The following BNC2 variants were observed in gnomAD, a reference collection of about 807,000 sequenced individuals.
The protein encoded by BNC2 is zinc finger protein basonuclin-2.
A neutral mutation model predicts 76.3 loss-of-function variants in BNC2; 20 were observed. That is an observed-to-expected ratio of 0.26 (90% confidence interval 0.18 to 0.38). The LOEUF is 0.38. Among genes scored for constraint, BNC2 ranks in the 10% least tolerant of loss-of-function variants. The pLI, the probability that BNC2 is intolerant of heterozygous loss-of-function variation, is 1.00. For synonymous variants in BNC2, 582 were observed against 514.8 expected, an observed-to-expected ratio of 1.13 and a Z score of -1.77; for missense variants, 1,382 against 1,399.8, an observed-to-expected ratio of 0.99 and a Z score of 0.20.
Position 16,437,465 on chromosome 9 carries a change from G to A in BNC2, c.729C>T (p.Ile243=), listed in dbSNP as rs1448823508. The change falls in exon 6 of 7, where the codon ATC becomes ATT. Residue 243 remains isoleucine (I), a synonymous_variant. Transcript: ENST00000380672. ...CAAACCGCAGAAACTGCTGAAGGGTGATGATTTCCTCTTCTCGAGACATGA... is the reference window on the plus strand; with the variant it reads ...CAAACCGCAGAAACTGCTGAAGGGTAATGATTTCCTCTTCTCGAGACATGA... The part of the protein sequence containing the change: ...WAIMSREEEI[I]TLQQFLRFGE... 1.2e-6 allele frequency: 2 copies of A among 1,613,740 alleles called. No individual in the cohort carries two copies. The highest frequency in any genetic ancestry group is 1.7e-6 in the Non-Finnish European group (2 of 1,179,942).
At chr9:16,853,192 C>G (rs1256637656) in intron 1 of BNC2, among the ~76,000 whole-genome samples, 1 of 151,842 alleles carries the variant, frequency 6.6e-6, no homozygotes, top group African/African-American at 2.4e-5. Context: ...CCCAGGCAGG[C>G]GGATCACTTA....
At chr9:16,541,728 A>G (rs1163502999) in intron 5 of BNC2, among the ~76,000 whole-genome samples, 3 of 152,218 alleles carry the variant, frequency 2.0e-5, no homozygotes, top group Non-Finnish European at 2.9e-5. Flanking sequence ...CATAAAATAA[A>G]CAGACTTCAT....
intron 5 of BNC2, among the ~76,000 whole-genome samples, chr9:16,534,819 G>GA (rs1309460879): frequency 2.6e-5 from 4 of 152,050 alleles, no homozygotes; most frequent in Admixed American, 6.5e-5. Flanking sequence ...GTAAATGGCA[G>GA]AAAAAATCAA....
chr9:16,775,397 T>TAAA lies in BNC2; in HGVS notation c.4-36915_4-36913dup, dbSNP rs34632311. 4.8e-3 allele frequency among the ~76,000 whole-genome samples: 717 copies of TAAA among 148,222 alleles called. 4 individuals are homozygous for TAAA. The highest frequency in any genetic ancestry group is 7.2e-3 in the Non-Finnish European group (480 of 67,064). Reference sequence around the variant, plus strand: ...TTTCCTTAAACACTGATTTCGTTATTAAAAAAAAAAAAACTCCCATGATTT... The same window carrying TAAA: ...TTTCCTTAAACACTGATTTCGTTATTAAAAAAAAAAAAAAAACTCCCATGATTT... On this transcript the variant is annotated intron_variant, in intron 1 of 6. Transcript: ENST00000380672.
At chr9:16,515,535 G>C (rs1251129148) in intron 5 of BNC2, among the ~76,000 whole-genome samples, 3 of 151,884 alleles carry the variant, frequency 2.0e-5, no homozygotes, top group Non-Finnish European at 4.4e-5. Context: ...CACTCAGTTG[G>C]GATGGATCCC....
intron 1 of BNC2, among the ~76,000 whole-genome samples, chr9:16,780,590 T>G (rs1423242070): frequency 6.6e-6 from 1 of 151,780 alleles, no homozygotes. Context: ...AAATCTTAAG[T>G]AGGTGAATTG....
chr9:16,708,884 C>T (rs1823755615), intron 3 of BNC2, among the ~76,000 whole-genome samples: 2 of 152,132 alleles, frequency 1.3e-5, no homozygotes, highest in Non-Finnish European at 2.9e-5. Flanking sequence ...AATGTGAGCC[C>T]TCACTGGGTA....
intron 5 of BNC2, among the ~76,000 whole-genome samples, chr9:16,525,995 T>C: frequency 6.6e-6 from 1 of 152,158 alleles, no homozygotes; most frequent in East Asian, 1.9e-4. Context: ...TAAATACTTT[T>C]TGTTTCTTAT....
intron 5 of BNC2, among the ~76,000 whole-genome samples, chr9:16,476,586 C>G (rs1224089521): frequency 6.6e-6 from 1 of 151,094 alleles, no homozygotes; most frequent in East Asian, 1.9e-4. Context: ...AAAAAAAACT[C>G]TGGCAGTTTG....
rs753638829 is a variant in BNC2, at chr9:16,436,226, TTCA to T, written c.1965_1967del (p.Asp655del). On this transcript the variant is annotated inframe_deletion, in exon 6 of 7. Coordinates refer to ENST00000380672, the MANE Select transcript of BNC2 (RefSeq NM_017637.6). ...CTCCACCATCATTGGGGTCATCATC[TTCA>T]TCATCAAACTCATCGGCGGTATCAA... is the stretch of plus-strand genomic sequence containing the variant. 1.1e-5 allele frequency: 17 copies of T among 1,614,164 alleles called. No individual in the cohort carries two copies. The highest frequency in any genetic ancestry group is 1.4e-5 in the Non-Finnish European group (16 of 1,180,036).
intron 3 of BNC2, among the ~76,000 whole-genome samples, chr9:16,665,386 A>AAGAGAGAG (rs55852227): frequency 0.016 from 1,363 of 84,102 alleles, 179 homozygotes; most frequent in African/African-American, 0.062. Flanking sequence ...AAAAAAAAAA[A>AAGAGAGAG]AGAGAGAGAG....
At chr9:16,665,413 AAGAAAG>A (rs1822248152) in intron 3 of BNC2, among the ~76,000 whole-genome samples, 8 of 144,038 alleles carry the variant, frequency 5.6e-5, no homozygotes, top group Admixed American at 1.4e-4. Flanking sequence ...AAAGAGAGAA[AAGAAAG>A]GAAAGAAAGG....
intron 5 of BNC2, among the ~76,000 whole-genome samples, chr9:16,517,313 A>T (rs1033719279): frequency 3.9e-5 from 6 of 152,182 alleles, no homozygotes; most frequent in Non-Finnish European, 5.9e-5. Context: ...AAGGTAATTA[A>T]ATGTTAGTCA....
At chr9:16,828,693 T>A (rs896839198) in intron 1 of BNC2, among the ~76,000 whole-genome samples, 2 of 152,176 alleles carry the variant, frequency 1.3e-5, no homozygotes, top group African/African-American at 4.8e-5. Context: ...GGTCACTAAT[T>A]AGTTCATTCT....
In BNC2 at chr9:16,798,980, G is replaced by A. The variant is rs78248424; in HGVS notation, c.4-60495C>T. 3.1e-3 allele frequency among the ~76,000 whole-genome samples: 475 copies of A among 152,248 alleles called. 2 individuals carry two copies. The highest frequency in any genetic ancestry group is 0.011 in the African/African-American group (442 of 41,538). Reference sequence around the variant, plus strand: ...CCACTTTCTATCTATCCAAATGTCAGGGGGCTCTGAGAGTCATACAAACAT... The same window carrying A: ...CCACTTTCTATCTATCCAAATGTCAAGGGGCTCTGAGAGTCATACAAACAT... On this transcript the variant is annotated intron_variant, in intron 1 of 6. Coordinates refer to ENST00000380672, the MANE Select transcript of BNC2 (RefSeq NM_017637.6).
chr9:16,768,119 C>T (rs1304893764), intron 1 of BNC2, among the ~76,000 whole-genome samples: 2 of 152,020 alleles, frequency 1.3e-5, no homozygotes, highest in Non-Finnish European at 2.9e-5. Context: ...GCACCCACCA[C>T]CACGCCTGGC....
At chr9:16,427,750 C>T (rs1362930205) in intron 6 of BNC2, among the ~76,000 whole-genome samples, 3 of 152,144 alleles carry the variant, frequency 2.0e-5, no homozygotes, top group Non-Finnish European at 4.4e-5. Flanking sequence ...TCCATCTCTG[C>T]TGATGAATGG....
At chr9:16,688,070 A>T (rs1032309796) in intron 3 of BNC2, among the ~76,000 whole-genome samples, 2 of 152,164 alleles carry the variant, frequency 1.3e-5, no homozygotes, top group Non-Finnish European at 2.9e-5. Flanking sequence ...GTTGACTCCC[A>T]TATTCTAAAA....
intron 3 of BNC2, among the ~76,000 whole-genome samples, chr9:16,670,373 G>C (rs886910506): frequency 1.3e-5 from 2 of 152,056 alleles, no homozygotes; most frequent in Non-Finnish European, 2.9e-5. Context: ...TGGAATTCAG[G>C]GCGCGATCAT....
Sources: allele counts gnomAD v4.1 joint callset (sites outside exome capture counted in the v4.1 genomes callset), GRCh38; gene constraint gnomAD v4.1.1; transcripts MANE v1.5; gene names NCBI Gene and HGNC (gene_info 2026-07-23, HGNC 2026-07-21).